The following FAM117A variants were observed in gnomAD, a reference collection of about 807,000 sequenced individuals.
FAM117A encodes the protein protein FAM117A.
In FAM117A, 21 loss-of-function variants were observed where a neutral mutation model predicts 44.1. The ratio of observed to expected loss-of-function variants is 0.48; its 90% CI spans 0.34 to 0.69. FAM117A has a LOEUF of 0.69. FAM117A is among the 30% of genes least tolerant of loss of function. FAM117A has a pLI of 0.01. For synonymous variants in FAM117A, 220 were observed against 238.3 expected (o/e 0.92, Z 0.71); for missense variants, 498 against 589.9 (o/e 0.84, Z 1.61).
chr17:49,738,280 C>G (rs760335791), intron 1 of FAM117A, among the ~76,000 whole-genome samples: 12 of 152,178 alleles, frequency 7.9e-5, no homozygotes, highest in Admixed American at 2.6e-4. Flanking sequence ...AGAATCCAAC[C>G]AACGCATTTT....
chr17:49,774,448 C>A (rs1194972533), intron 1 of FAM117A, among the ~76,000 whole-genome samples: 1 of 152,046 alleles, frequency 6.6e-6, no homozygotes, highest in Non-Finnish European at 1.5e-5. Context: ...CAACCTCTGC[C>A]TCCTGGGTTC....
At chr17:49,788,821 C>T (rs767153198), upstream of FAM117A, 7 of 1,581,978 alleles carry the variant, frequency 4.4e-6, no homozygotes, top group Admixed American at 1.3e-4. Flanking sequence ...ACCGTCGGGC[C>T]GCAGCCGCCG....
intron 1 of FAM117A, among the ~76,000 whole-genome samples, chr17:49,775,307 G>A (rs1001609946): frequency 2.0e-5 from 3 of 152,126 alleles, no homozygotes; most frequent in Non-Finnish European, 4.4e-5. Flanking sequence ...TACTTCTGAC[G>A]GAAGGAATGA....
upstream of FAM117A, among the ~76,000 whole-genome samples, chr17:49,767,633 G>A (rs1293959432): frequency 6.6e-6 from 1 of 152,184 alleles, no homozygotes; most frequent in African/African-American, 2.4e-5. Flanking sequence ...GGCTGGGTGT[G>A]GTGGCTCACG....
At chr17:49,735,078 T>C (rs759982772) in intron 1 of FAM117A, among the ~76,000 whole-genome samples, 1 of 152,118 alleles carries the variant, frequency 6.6e-6, no homozygotes, top group Non-Finnish European at 1.5e-5. Context: ...ATTCAGGTTG[T>C]GGAAATGGAC....
chr17:49,788,958 C>A (rs940861509), upstream of FAM117A: 1 of 1,064,672 alleles, frequency 9.4e-7, no homozygotes, highest in East Asian at 3.1e-5. Context: ...TCCGCTCCCC[C>A]GAACCTTGTT....
At chr17:49,781,355 A>G (rs992942768) in intron 1 of FAM117A, among the ~76,000 whole-genome samples, 1 of 152,236 alleles carries the variant, frequency 6.6e-6, no homozygotes, top group Non-Finnish European at 1.5e-5. Flanking sequence ...TAAAATGACA[A>G]GATTTTTAAA....
In FAM117A at chr17:49,711,347, C is replaced by A; in HGVS notation, c.1270G>T (p.Ala424Ser). The change falls in exon 8 of 8, where the codon GCC becomes TCC. Residue 424 changes from alanine to serine, a missense_variant. Transcript: ENST00000240364. ...PRPPPRKDPE[A>S]SKASPLPFEP... Reference sequence around the variant, plus strand: ...AATGGCAGTGGGGAGGCCTTGGAGGCTTCCGGATCCTTCCGAGGTGGTGGC... The same window carrying A: ...AATGGCAGTGGGGAGGCCTTGGAGGATTCCGGATCCTTCCGAGGTGGTGGC... 6.2e-7 allele frequency: 1 copy of A among 1,608,832 alleles called. No homozygotes were observed. Among genetic ancestry groups the A allele is most frequent in the Non-Finnish European group, 8.5e-7 (1 of 1,177,290 alleles).
intron 7 of FAM117A, among the ~76,000 whole-genome samples, chr17:49,714,054 G>T (rs1444536806): frequency 6.6e-6 from 1 of 152,138 alleles, no homozygotes; most frequent in East Asian, 1.9e-4. Context: ...AACGTTCTAG[G>T]TGTGTGCATG....
intron 1 of FAM117A, among the ~76,000 whole-genome samples, chr17:49,736,895 A>G (rs551518248): frequency 6.6e-6 from 1 of 152,358 alleles, no homozygotes; most frequent in South Asian, 2.1e-4. Context: ...ACTCCTAGAT[A>G]ATAAACAGCC....
intron 7 of FAM117A, 110 bp downstream of exon 7, chr17:49,716,055 C>G: frequency 8.3e-7 from 1 of 1,205,700 alleles, no homozygotes; most frequent in Non-Finnish European, 1.2e-6. Flanking sequence ...CAATACTTAT[C>G]ATCTAAAGTT....
intron 5 of FAM117A, 50 bp from the exon 6 acceptor site, chr17:49,717,764 G>A (rs1446631391): frequency 6.8e-7 from 1 of 1,476,468 alleles, no homozygotes; most frequent in Non-Finnish European, 9.2e-7. Flanking sequence ...TTTCAGGCCT[G>A]CAGCAGCACA....
chr17:49,720,392 G>A lies in FAM117A; in HGVS notation c.507C>T (p.Arg169=). 1 of 1,613,814 alleles carries A rather than the reference G, an allele frequency of 6.2e-7. No individual in the cohort carries two copies. The highest frequency in any genetic ancestry group is 8.5e-7 in the Non-Finnish European group (1 of 1,180,020). The change falls in exon 4 of 8, where the codon CGC becomes CGT. Residue 169 remains arginine (R), a synonymous_variant. Coordinates refer to ENST00000240364, the MANE Select transcript of FAM117A (RefSeq NM_030802.4). ...KQQLQRTKLS[R]SGKEKERGSP... ...AACCTCGCTCCTTCTCTTTCCCACT[G>A]CGGCTCAGCTTCGTCCTCTGCAGTT... is the stretch of plus-strand genomic sequence containing the variant.
intron 1 of FAM117A, among the ~76,000 whole-genome samples, chr17:49,785,293 C>T (rs2073802387): frequency 6.6e-6 from 1 of 152,192 alleles, no homozygotes; most frequent in African/African-American, 2.4e-5. Context: ...GGGAGGATGG[C>T]TTGAGGCCAG....
chr17:49,749,068 T>C (rs900593943), intron 1 of FAM117A, among the ~76,000 whole-genome samples: 7 of 152,166 alleles, frequency 4.6e-5, no homozygotes, highest in South Asian at 2.1e-4. Flanking sequence ...TGATACAATG[T>C]GCTGCACTGA....
intron 1 of FAM117A, among the ~76,000 whole-genome samples, chr17:49,784,779 C>T (rs1319813076): frequency 2.6e-5 from 4 of 152,228 alleles, no homozygotes; most frequent in Non-Finnish European, 5.9e-5. Flanking sequence ...ATGTAATACT[C>T]TACAGTGTTT....
chr17:49,788,944 A>G, upstream of FAM117A: 1 of 1,194,472 alleles, frequency 8.4e-7, no homozygotes, highest in South Asian at 1.6e-5. Context: ...TTGGGTCCCA[A>G]CTTTCCGCTC....
intron 1 of FAM117A, among the ~76,000 whole-genome samples, chr17:49,735,224 T>C (rs1360536647): frequency 6.6e-6 from 1 of 152,156 alleles, no homozygotes; most frequent in Non-Finnish European, 1.5e-5. Flanking sequence ...AAACCTCATC[T>C]ACTAAAAATG....
chr17:49,731,588 G>T (rs1451956572), intron 2 of FAM117A, among the ~76,000 whole-genome samples: 1 of 152,180 alleles, frequency 6.6e-6, no homozygotes, highest in East Asian at 1.9e-4. Context: ...TGGCTCCCCA[G>T]TCCTTGAATG....
Sources: allele counts gnomAD v4.1 joint callset (sites outside exome capture counted in the v4.1 genomes callset), GRCh38; gene constraint gnomAD v4.1.1; transcripts MANE v1.5; gene names NCBI Gene and HGNC (gene_info 2026-07-23, HGNC 2026-07-21).